AOPEP: variants seen among roughly 807,000 people sequenced by gnomAD.
AOPEP encodes the protein aminopeptidase O.
In AOPEP, 77 loss-of-function variants were observed where a neutral mutation model predicts 98.1. That is an observed-to-expected ratio of 0.78 (90% CI 0.65 to 0.95). The LOEUF (loss-of-function observed/expected upper bound fraction) is 0.95. Among genes scored for constraint, AOPEP ranks in the 40% least tolerant of loss-of-function variants. AOPEP has a pLI of 0.00. For missense variants in AOPEP, 1,024 were observed against 1,024.7 expected (o/e 1.00, Z 0.01); for synonymous variants, 346 against 365.3 (o/e 0.95, Z 0.60).
At chr9:94,968,235 C>T (rs958077702) in intron 10 of AOPEP, among the ~76,000 whole-genome samples, 2 of 152,080 alleles carry the variant, frequency 1.3e-5, no homozygotes, top group Non-Finnish European at 1.5e-5. Context: ...GATTTTTAAA[C>T]CCAGCTCTGC....
At chr9:94,927,922 C>T (rs2054606013) in intron 6 of AOPEP, among the ~76,000 whole-genome samples, 1 of 152,186 alleles carries the variant, frequency 6.6e-6, no homozygotes, top group Admixed American at 6.5e-5. Flanking sequence ...TGATGGCCTC[C>T]CCTCCCCCAG....
At chr9:94,741,479 G>C (rs567882482) in intron 1 of AOPEP, among the ~76,000 whole-genome samples, 144 of 152,142 alleles carry the variant, frequency 9.5e-4, no homozygotes, top group Middle Eastern at 3.4e-3. Context: ...CACCGTGTTA[G>C]CCAGGATGGT....
At chr9:95,059,954 C>A (rs549417826) in intron 13 of AOPEP, among the ~76,000 whole-genome samples, 57 of 152,230 alleles carry the variant, frequency 3.7e-4, no homozygotes, top group Non-Finnish European at 3.2e-4. Flanking sequence ...TGAAGTCTTA[C>A]ACATGCTTCT....
chr9:94,889,691 T>C (rs1035844312), intron 5 of AOPEP, among the ~76,000 whole-genome samples: 2 of 152,156 alleles, frequency 1.3e-5, no homozygotes, highest in Non-Finnish European at 2.9e-5. Flanking sequence ...ATTTTTCAGT[T>C]CTCTAGATAA....
the AOPEP span, chr9:95,135,302 A>C: frequency 7.4e-6 from 11 of 1,484,358 alleles, no homozygotes; most frequent in Non-Finnish European, 1.0e-5. Flanking sequence ...GATTCCAAGC[A>C]TCTCCTTCAA....
At chr9:94,970,595 C>T (rs1033942962) in intron 10 of AOPEP, among the ~76,000 whole-genome samples, 5 of 151,052 alleles carry the variant, frequency 3.3e-5, no homozygotes, top group Admixed American at 2.6e-4. Context: ...TTTCCAAGGC[C>T]CCACGCAGTC....
intron 5 of AOPEP, among the ~76,000 whole-genome samples, chr9:94,870,269 C>T (rs368496846): frequency 6.6e-6 from 1 of 152,176 alleles, no homozygotes; most frequent in South Asian, 2.1e-4. Context: ...GGATTAGAGG[C>T]GTGAGCCACC....
At chr9:94,939,224 G>C (rs2056708478) in intron 7 of AOPEP, among the ~76,000 whole-genome samples, 1 of 149,524 alleles carries the variant, frequency 6.7e-6, no homozygotes, top group African/African-American at 2.5e-5. Context: ...CTCCAGCCTT[G>C]GTAACAGAGT....
intron 5 of AOPEP, among the ~76,000 whole-genome samples, chr9:94,829,356 T>C (rs899516546): frequency 2.0e-5 from 3 of 152,190 alleles, no homozygotes; most frequent in Non-Finnish European, 4.4e-5. Context: ...TCTGTGGCCT[T>C]AAAAGTTTGA....
At chr9:94,856,641 T>TAAA (rs35234682) in intron 5 of AOPEP, among the ~76,000 whole-genome samples, 35 of 128,594 alleles carry the variant, frequency 2.7e-4, no homozygotes, top group African/African-American at 7.3e-4. Flanking sequence ...AACTCCGTCT[T>TAAA]AAAAAAAAAA....
intron 16 of AOPEP, chr9:95,086,166 A>G: frequency 7.5e-7 from 1 of 1,332,668 alleles, no homozygotes; most frequent in Non-Finnish European, 9.9e-7. Flanking sequence ...CTCGCGGCAG[A>G]CAGGCCCGCG....
rs1054138771 is a variant in AOPEP at position 94,760,264 on chromosome 9, G to A, written c.481G>A (p.Val161Ile). The change falls in exon 2 of 17, where the codon GTT (valine) becomes ATT (isoleucine). Residue 161 changes from valine (V) to isoleucine (I), a missense_variant. By Grantham distance (29) the Val-to-Ile change is conservative (BLOSUM62 3). This residue lies in a region of AOPEP where 440 missense variants were observed against 433.8 expected (regional missense o/e 1.01). Transcript: ENST00000375315. The part of the protein sequence containing the change: ...LSVLKVEEVD[V>I]AAVPGLEKFT... ...TGTGTTAAAAGTCGAGGAGGTGGAT[G>A]TTGCTGCTGTGCCAGGTCTGGAAAA... The A allele has an allele frequency of 6.2e-7, 1 of 1,614,200 alleles. No homozygotes were observed. The highest frequency in any genetic ancestry group is 1.6e-4 in the Middle Eastern group (1 of 6,062).
At chr9:95,140,655 C>T in the AOPEP span, among the ~76,000 whole-genome samples, 4 of 152,112 alleles carry the variant, frequency 2.6e-5, no homozygotes, top group Non-Finnish European at 5.9e-5. Flanking sequence ...CCTTTTCAAA[C>T]CAGAAAGAGA....
chr9:94,763,952 C>T (rs1231402066), intron 2 of AOPEP, among the ~76,000 whole-genome samples: 1 of 152,158 alleles, frequency 6.6e-6, no homozygotes, highest in Non-Finnish European at 1.5e-5. Context: ...GTTCTGTCCT[C>T]AAGGAGGTGG....
intron 14 of AOPEP, among the ~76,000 whole-genome samples, chr9:95,065,961 T>C (rs1037956856): frequency 6.6e-6 from 1 of 152,204 alleles, no homozygotes; most frequent in Non-Finnish European, 1.5e-5. Flanking sequence ...CTTGTGAGGG[T>C]CATGGCTGTC....
chr9:95,144,862 G>A, the AOPEP span, among the ~76,000 whole-genome samples: 2 of 152,262 alleles, frequency 1.3e-5, no homozygotes, highest in East Asian at 1.9e-4. Context: ...CGCGCCGCAC[G>A]TTCACAACGC....
At chr9:94,929,542 A>G (rs2054949594) in intron 7 of AOPEP, among the ~76,000 whole-genome samples, 1 of 152,272 alleles carries the variant, frequency 6.6e-6, no homozygotes. Flanking sequence ...CGGACTCCCA[A>G]GTTGACTCAT....
intron 3 of AOPEP, among the ~76,000 whole-genome samples, chr9:94,782,567 A>G (rs541610013): frequency 3.9e-5 from 6 of 152,356 alleles, no homozygotes; most frequent in Middle Eastern, 6.8e-3. Context: ...GAGCAGTACT[A>G]TTTAGACTGC....
chr9:94,759,129 T>A (rs1588079982), intron 1 of AOPEP, among the ~76,000 whole-genome samples: 1 of 152,360 alleles, frequency 6.6e-6, no homozygotes, highest in Non-Finnish European at 1.5e-5. Flanking sequence ...CTGGAAGTGC[T>A]GATATGAGAG....
Sources: allele counts gnomAD v4.1 joint callset (sites outside exome capture counted in the v4.1 genomes callset), GRCh38; gene constraint gnomAD v4.1.1; regional missense constraint gnomAD v4.1.1; transcripts MANE v1.5; gene names NCBI Gene and HGNC (gene_info 2026-07-23, HGNC 2026-07-21).